CNTNAP2: variants seen among roughly 807,000 people sequenced by gnomAD.
CNTNAP2 encodes the protein contactin-associated protein-like 2.
CNTNAP2 carries 98 observed loss-of-function variants against 155.2 expected under a neutral mutation model. That is an observed-to-expected ratio of 0.63 (90% CI 0.54 to 0.75). The LOEUF (loss-of-function observed/expected upper bound fraction) is 0.75. Ranked by LOEUF, CNTNAP2 falls within the 30% of genes least tolerant of loss-of-function variation. The pLI is 0.00. For missense variants in CNTNAP2, 1,727 were observed against 1,688.1 expected (o/e 1.02, Z -0.40); for synonymous variants, 651 against 631.2 (o/e 1.03, Z -0.47).
chr7:147,435,077 G>A (rs1797529222), intron 10 of CNTNAP2, among the ~76,000 whole-genome samples: 1 of 152,136 alleles, frequency 6.6e-6, no homozygotes, highest in Admixed American at 6.6e-5. Context: ...ACAACACAGA[G>A]ATCTGAAGGA....
intron 1 of CNTNAP2, among the ~76,000 whole-genome samples, chr7:146,652,267 A>C (rs1436713420): frequency 1.3e-5 from 2 of 152,176 alleles, no homozygotes; most frequent in Non-Finnish European, 2.9e-5. Flanking sequence ...GTTACTTCAA[A>C]GAGGAACATT....
chr7:147,876,681 T>G (rs1207824311), intron 13 of CNTNAP2, among the ~76,000 whole-genome samples: 2 of 152,166 alleles, frequency 1.3e-5, no homozygotes, highest in Non-Finnish European at 2.9e-5. Context: ...TACTTTGCTC[T>G]GTTTGGTCAA....
In CNTNAP2 at chr7:146,535,420, GAT is replaced by G. The variant is rs1413241786; in HGVS notation, c.98-238842_98-238841del. ...ATATATTATATATGATATAATATAT[GAT>G]ATATATATTATATACATGGTCATGG... On this transcript the variant is annotated intron_variant, in intron 1 of 23. Coordinates refer to ENST00000361727, the MANE Select transcript of CNTNAP2 (RefSeq NM_014141.6). Among the ~76,000 whole-genome samples the G allele has an allele frequency of 3.7e-4, 17 of 45,496 alleles. 7 individuals are homozygous for G. The highest frequency in any genetic ancestry group is 3.3e-3 in the African/African-American group (11 of 3,340). 29.8% of individuals were successfully genotyped at this position (45,496 alleles called of 152,430 possible).
intron 9 of CNTNAP2, among the ~76,000 whole-genome samples, chr7:147,373,537 A>G (rs144586837): frequency 5.2e-4 from 79 of 152,220 alleles, no homozygotes; most frequent in African/African-American, 1.5e-3. Context: ...ATGAAAGAGT[A>G]TATGTGTATA....
At chr7:147,948,628 TAC>T (rs71183039) in intron 14 of CNTNAP2, among the ~76,000 whole-genome samples, 6,329 of 148,354 alleles carry the variant, frequency 0.043, 173 homozygotes, top group African/African-American at 0.079. Context: ...CATATATATT[TAC>T]ACACACACAC....
At chr7:146,816,800 T>C (rs1803179918) in intron 2 of CNTNAP2, among the ~76,000 whole-genome samples, 2 of 152,176 alleles carry the variant, frequency 1.3e-5, no homozygotes, top group Admixed American at 1.3e-4. Flanking sequence ...ATCCATGTGA[T>C]CTGTGGCAAC....
chr7:146,265,940 G>C (rs1209918369), intron 1 of CNTNAP2, among the ~76,000 whole-genome samples: 1 of 151,918 alleles, frequency 6.6e-6, no homozygotes, highest in Non-Finnish European at 1.5e-5. Context: ...TATGGGTCTT[G>C]GTGGTTGAGA....
At chr7:146,715,964 T>A (rs1431141466) in intron 1 of CNTNAP2, among the ~76,000 whole-genome samples, 3 of 150,982 alleles carry the variant, frequency 2.0e-5, no homozygotes, top group African/African-American at 7.3e-5. Flanking sequence ...GGATCTCAGG[T>A]GGTGCAGACT....
chr7:148,383,188 CTTTTTTT>C (rs34329815), intron 21 of CNTNAP2, among the ~76,000 whole-genome samples: 5 of 138,980 alleles, frequency 3.6e-5, no homozygotes, highest in African/African-American at 1.3e-4. Flanking sequence ...AATTCTTGTT[CTTTTTTT>C]TTTTTTTTTT....
Position 147,829,738 on chromosome 7 carries a change from C to G in CNTNAP2, c.2099-73827C>G, listed in dbSNP as rs144264217. 2.4e-4 allele frequency among the ~76,000 whole-genome samples: 37 copies of G among 152,202 alleles called. No individual in the cohort carries two copies. The South Asian group carries it at 4.0e-3, about 16-fold the overall frequency. ...ATACAAGAACAATTGGAGGAGCATA[C>G]GGTCAACTTTCAGATATCCTAAGGT... On this transcript the variant is annotated intron_variant, in intron 13 of 23. Coordinates refer to ENST00000361727, the MANE Select transcript of CNTNAP2 (RefSeq NM_014141.6).
At chr7:146,722,711 A>AAAT (rs1563204609) in intron 1 of CNTNAP2, among the ~76,000 whole-genome samples, 1,539 of 149,158 alleles carry the variant, frequency 0.01, 25 homozygotes, top group African/African-American at 0.036. Context: ...ACACACACAA[A>AAAT]ATATATATAT....
chr7:147,819,437 T>C (rs1584972634), intron 13 of CNTNAP2, among the ~76,000 whole-genome samples: 2 of 152,302 alleles, frequency 1.3e-5, no homozygotes, highest in Admixed American at 6.5e-5. Context: ...GAATTCTGTA[T>C]TCCAGATCTT....
chr7:146,278,134 G>A (rs543869721), intron 1 of CNTNAP2, among the ~76,000 whole-genome samples: 8 of 152,242 alleles, frequency 5.3e-5, no homozygotes, highest in Admixed American at 5.2e-4. Context: ...GACAACTGAT[G>A]TGCCTATAGT....
intron 12 of CNTNAP2, among the ~76,000 whole-genome samples, chr7:147,574,946 T>A (rs902313452): frequency 6.6e-6 from 1 of 152,112 alleles, no homozygotes; most frequent in Non-Finnish European, 1.5e-5. Context: ...ACTGAATCTT[T>A]TATGGATTCA....
At chr7:147,560,444 T>A (rs1022349633) in intron 11 of CNTNAP2, among the ~76,000 whole-genome samples, 4 of 152,176 alleles carry the variant, frequency 2.6e-5, no homozygotes, top group Non-Finnish European at 5.9e-5. Context: ...TTGTACTGTT[T>A]TACTTGGTAT....
intron 1 of CNTNAP2, among the ~76,000 whole-genome samples, chr7:146,631,639 T>C (rs1345177103): frequency 2.0e-5 from 3 of 152,146 alleles, no homozygotes; most frequent in Admixed American, 6.5e-5. Flanking sequence ...CAAAGATCTT[T>C]CGTAAAGCAA....
intron 13 of CNTNAP2, among the ~76,000 whole-genome samples, chr7:147,745,511 G>C (rs979513023): frequency 1.3e-5 from 2 of 152,152 alleles, no homozygotes; most frequent in South Asian, 2.1e-4. Flanking sequence ...TTTAGCAGAA[G>C]ACTGAATTCT....
rs984943074 is a variant in CNTNAP2, at chr7:146,130,491, G to T, written c.97+13518G>T. On this transcript the variant is annotated intron_variant, in intron 1 of 23. Transcript: ENST00000361727. ...TGCCTCTTAATAATTTTTTTAAAAA[G>T]AATTTAGGTCAGTATTAAAGTTTGT... 2.6e-5 allele frequency among the ~76,000 whole-genome samples: 4 copies of T among 152,282 alleles called. No individual in the cohort carries two copies. The South Asian group carries it at 6.2e-4, about 24-fold the overall frequency.
intron 11 of CNTNAP2, among the ~76,000 whole-genome samples, chr7:147,548,069 T>C (rs1006587200): frequency 2.6e-5 from 4 of 152,316 alleles, no homozygotes; most frequent in Non-Finnish European, 4.4e-5. Context: ...AGTAAACATG[T>C]GTGCATGTGT....
Sources: gnomAD v4.1 joint callset for allele counts (sites outside exome capture counted in the v4.1 genomes callset) on GRCh38, gnomAD v4.1.1 for gene constraint, MANE v1.5 for transcripts, NCBI Gene and HGNC (gene_info 2026-07-23, HGNC 2026-07-21) for gene names.